The following SAMMSON variants were observed in gnomAD, a reference collection of about 807,000 sequenced individuals.
The protein encoded by SAMMSON is long intergenic non-protein coding RNA 1212.
intron 7 of SAMMSON, among the ~76,000 whole-genome samples, chr3:70,305,598 T>C (rs901234545): frequency 6.6e-6 from 1 of 152,218 alleles, no homozygotes; most frequent in African/African-American, 2.4e-5. Flanking sequence ...GCATCTTTGT[T>C]TCTTTGTCTC....
At chr3:70,398,485 C>T (rs968555553) in intron 2 of SAMMSON, among the ~76,000 whole-genome samples, 1 of 152,166 alleles carries the variant, frequency 6.6e-6, no homozygotes, top group Non-Finnish European at 1.5e-5. Context: ...ATAAACATAG[C>T]ACATTCTTAT....
intron 4 of SAMMSON, among the ~76,000 whole-genome samples, chr3:70,216,456 T>C (rs1007367510): frequency 2.0e-5 from 3 of 151,890 alleles, no homozygotes; most frequent in Non-Finnish European, 4.4e-5. Flanking sequence ...ATTTTTCACA[T>C]GAGGACACAG....
intron 4 of SAMMSON, among the ~76,000 whole-genome samples, chr3:70,231,763 C>T (rs1701561802): frequency 1.3e-5 from 2 of 152,258 alleles, no homozygotes; most frequent in Middle Eastern, 3.4e-3. Flanking sequence ...GCCAGTCCCA[C>T]GACTGCCCCC....
rs9853948 is a variant in SAMMSON, at chr3:70,024,184, A to G, written n.417+10512A>G. On this transcript the variant is annotated intron_variant and non_coding_transcript_variant, in intron 3 of 9. Coordinates refer to ENST00000642114, the Ensembl canonical transcript of SAMMSON. ...AAGAACAATGTCTCACATTTCTTTTATATTCCTACAATGAGCGGTACAAGT... is the reference window on the plus strand; with the variant it reads ...AAGAACAATGTCTCACATTTCTTTTGTATTCCTACAATGAGCGGTACAAGT... Among the ~76,000 whole-genome samples, 974 of 152,284 alleles carry G rather than the reference A, an allele frequency of 6.4e-3. 8 individuals are homozygous for G. The highest frequency in any genetic ancestry group is 0.022 in the African/African-American group (919 of 41,544).
In SAMMSON at chr3:70,181,864, C is replaced by A. The variant is rs565060369; in HGVS notation, n.508-67243C>A. Among the ~76,000 whole-genome samples, 7 of 152,240 alleles carry A rather than the reference C, an allele frequency of 4.6e-5. No individual in the cohort carries two copies. The East Asian group carries it at 1.4e-3, about 29-fold the overall frequency. On this transcript the variant is annotated intron_variant and non_coding_transcript_variant, in intron 4 of 9. Transcript: ENST00000642114. The stretch of plus-strand genomic sequence containing the variant: ...TTTTGCATGTTACAAACTGTGTCAA[C>A]GTGCAAATTATTTCCTTGAAATAAT...
intron 7 of SAMMSON, chr3:70,312,866 A>C (rs1026062695): frequency 6.6e-6 from 1 of 152,076 alleles, no homozygotes; most frequent in Non-Finnish European, 1.5e-5. Flanking sequence ...TTTCAACTGG[A>C]CCAAGTTTCT....
At chr3:70,125,855 G>A (rs1056116822) in intron 4 of SAMMSON, 3 of 674,418 alleles carry the variant, frequency 4.4e-6, no homozygotes, top group East Asian at 2.7e-5. Flanking sequence ...TTCATTTTCT[G>A]TTGGTCCTCA....
intron 4 of SAMMSON, among the ~76,000 whole-genome samples, chr3:70,173,869 C>A (rs1242057022): frequency 6.6e-6 from 1 of 151,722 alleles, no homozygotes; most frequent in Non-Finnish European, 1.5e-5. Flanking sequence ...CAACTTAATG[C>A]ATTTAAGTTG....
chr3:70,054,403 C>A (rs1283845394), intron 3 of SAMMSON, among the ~76,000 whole-genome samples: 1 of 152,132 alleles, frequency 6.6e-6, no homozygotes, highest in African/African-American at 2.4e-5. Flanking sequence ...CAAATAATTC[C>A]TGAACTAATC....
intron 4 of SAMMSON, among the ~76,000 whole-genome samples, chr3:70,149,639 T>A (rs2067563413): frequency 6.6e-6 from 1 of 152,012 alleles, no homozygotes; most frequent in South Asian, 2.1e-4. Context: ...ACAGTTAACT[T>A]TGCTTCTGAT....
chr3:70,374,189 C>T (rs1559575524), intron 9 of SAMMSON, among the ~76,000 whole-genome samples: 1 of 152,212 alleles, frequency 6.6e-6, no homozygotes, highest in African/African-American at 2.4e-5. Context: ...GCTGAGATTA[C>T]AGGTGTGAGC....
chr3:70,379,134 C>T (rs977657170), intron 9 of SAMMSON, among the ~76,000 whole-genome samples: 30 of 151,982 alleles, frequency 2.0e-4, no homozygotes, highest in Admixed American at 1.9e-3. Flanking sequence ...CTGCCTCAGC[C>T]TCCTGAGTAG....
chr3:70,411,167 C>T (rs1195501335), intron 2 of SAMMSON, among the ~76,000 whole-genome samples: 1 of 152,160 alleles, frequency 6.6e-6, no homozygotes, highest in African/African-American at 2.4e-5. Context: ...TTAAAGCCAA[C>T]AGAGACAAGA....
intron 3 of SAMMSON, among the ~76,000 whole-genome samples, chr3:70,045,180 TC>T (rs2067121846): frequency 1.5e-5 from 2 of 133,546 alleles, no homozygotes; most frequent in Admixed American, 8.2e-5. Context: ...TTTATATATA[TC>T]GTTAATTATA....
intron 4 of SAMMSON, among the ~76,000 whole-genome samples, chr3:70,135,969 G>A (rs182950479): frequency 2.1e-5 from 3 of 145,928 alleles, no homozygotes; most frequent in Non-Finnish European, 1.5e-5. Flanking sequence ...CTGATTTGTC[G>A]GTTGTTATAG....
chr3:70,335,393 G>A (rs573555361), intron 7 of SAMMSON, among the ~76,000 whole-genome samples: 45 of 151,954 alleles, frequency 3.0e-4, no homozygotes, highest in African/African-American at 8.2e-4. Flanking sequence ...CTTAGGTTTT[G>A]TTTCTTTATA....
At chr3:70,325,961 G>A (rs1702578257) in intron 7 of SAMMSON, among the ~76,000 whole-genome samples, 1 of 152,072 alleles carries the variant, frequency 6.6e-6, no homozygotes, top group African/African-American at 2.4e-5. Flanking sequence ...CCAGTTGATT[G>A]TTACAACTTT....
At chr3:70,193,465 A>G (rs893702695) in intron 4 of SAMMSON, among the ~76,000 whole-genome samples, 7 of 152,002 alleles carry the variant, frequency 4.6e-5, no homozygotes, top group African/African-American at 7.2e-5. Context: ...GCAAATTTTT[A>G]AATTTTTATT....
intron 1 of SAMMSON, among the ~76,000 whole-genome samples, chr3:70,008,049 T>C (rs1001682109): frequency 5.9e-5 from 9 of 152,074 alleles, no homozygotes; most frequent in African/African-American, 1.7e-4. Flanking sequence ...GTTACTGTAG[T>C]CTTGTAGTGT....
Sources: gnomAD v4.1 joint callset for allele counts (sites outside exome capture counted in the v4.1 genomes callset) on GRCh38, gnomAD v4.1.1 for gene constraint, MANE v1.5 for transcripts, NCBI Gene and HGNC (gene_info 2026-07-23, HGNC 2026-07-21) for gene names.